The following ANKFY1 variants were observed in gnomAD, a reference collection of about 807,000 sequenced individuals.
The protein encoded by ANKFY1 is ankyrin repeat and FYVE domain-containing protein 1.
In ANKFY1, 47 loss-of-function variants were observed where a neutral mutation model predicts 128.3. The observed-to-expected ratio is 0.37, with a 90% CI of 0.29 to 0.47. ANKFY1 has a LOEUF of 0.47. ANKFY1 is among the 20% of genes least tolerant of loss of function. ANKFY1 has a pLI of 1.00. For missense variants in ANKFY1, 1,222 were observed against 1,510.6 expected, an observed-to-expected ratio of 0.81 and a Z score of 3.17; for synonymous variants, 553 against 601.6, an observed-to-expected ratio of 0.92 and a Z score of 1.18.
intron 1 of ANKFY1, among the ~76,000 whole-genome samples, chr17:4,258,504 A>C (rs1220174847): frequency 6.6e-6 from 1 of 150,786 alleles, no homozygotes; most frequent in Non-Finnish European, 1.5e-5. Flanking sequence ...AGCCTGGGAG[A>C]CAGAGCCAGA....
chr17:4,223,679 G>C, intron 3 of ANKFY1: 1 of 1,601,824 alleles, frequency 6.2e-7, no homozygotes, highest in Non-Finnish European at 8.6e-7. Context: ...CCTGAAAGAT[G>C]GTTACCGAAT....
chr17:4,185,696 C>T (rs1019835691), intron 11 of ANKFY1, among the ~76,000 whole-genome samples: 1 of 151,756 alleles, frequency 6.6e-6, no homozygotes. Flanking sequence ...CTTGACTTCA[C>T]CTCCAAGGTC....
intron 6 of ANKFY1, 23 bp from the exon 7 acceptor site, chr17:4,206,509 T>C (rs1196095607): frequency 1.2e-6 from 2 of 1,602,238 alleles, no homozygotes; most frequent in African/African-American, 2.7e-5. Flanking sequence ...GTTTGTAAAT[T>C]AGCGCCCAGT....
chr17:4,228,075 A>C lies in ANKFY1; in HGVS notation c.322+7697T>G, dbSNP rs560430885. Among the ~76,000 whole-genome samples the C allele has an allele frequency of 2.2e-4, 34 of 152,374 alleles. No homozygotes were observed. In the South Asian group the frequency reaches 6.2e-3, roughly 28 times the overall value. On this transcript the variant is annotated intron_variant, in intron 3 of 24. Transcript: ENST00000341657. Reference sequence around the variant, plus strand: ...GGTAATTTTCTTGCTAATAAAACCCAGAAAGAACACAAATGTCCATCAACA... The same window carrying C: ...GGTAATTTTCTTGCTAATAAAACCCCGAAAGAACACAAATGTCCATCAACA...
At chr17:4,243,969 C>T (rs963397534) in intron 1 of ANKFY1, among the ~76,000 whole-genome samples, 5 of 148,350 alleles carry the variant, frequency 3.4e-5, no homozygotes, top group South Asian at 4.2e-4. Flanking sequence ...CTCACTCTGT[C>T]GCCTGGGCTA....
chr17:4,225,774 T>C (rs940747623), intron 3 of ANKFY1, among the ~76,000 whole-genome samples: 1 of 151,926 alleles, frequency 6.6e-6, no homozygotes, highest in African/African-American at 2.4e-5. Flanking sequence ...TTTATATAAT[T>C]TTTTTTTGAG....
chr17:4,242,032 T>G (rs1407362303), intron 2 of ANKFY1, among the ~76,000 whole-genome samples: 1 of 147,146 alleles, frequency 6.8e-6, no homozygotes, highest in Non-Finnish European at 1.5e-5. Flanking sequence ...GAGGCTGCAA[T>G]GAGCCGTGAT....
intron 19 of ANKFY1, among the ~76,000 whole-genome samples, chr17:4,176,147 G>A (rs564896456): frequency 1.3e-5 from 2 of 152,226 alleles, no homozygotes; most frequent in South Asian, 2.1e-4. Context: ...GCCTCCGCTC[G>A]GTCTCGTCAC....
At chr17:4,228,584 T>G (rs1457298155) in intron 3 of ANKFY1, among the ~76,000 whole-genome samples, 2 of 152,000 alleles carry the variant, frequency 1.3e-5, no homozygotes, top group East Asian at 3.9e-4. Flanking sequence ...CTCGGCTAAT[T>G]TTTTGTATTT....
At chr17:4,246,280 G>A (rs1967535151) in intron 1 of ANKFY1, among the ~76,000 whole-genome samples, 1 of 152,168 alleles carries the variant, frequency 6.6e-6, no homozygotes, top group South Asian at 2.1e-4. Flanking sequence ...ACTGGACCCA[G>A]AAAATGCAAG....
At chr17:4,261,701 C>A (rs145970945) in intron 1 of ANKFY1, among the ~76,000 whole-genome samples, 8 of 152,374 alleles carry the variant, frequency 5.3e-5, no homozygotes, top group Middle Eastern at 3.4e-3. Context: ...CTGCAAAGCA[C>A]AGCAGGTGCT....
At position 4,169,896 on chromosome 17, in the gene ANKFY1, A is replaced by C. The variant is rs2059283190; in HGVS notation, c.3287-608T>G. ...GCTGAACTCTCACTCTATCCCAGGC[A>C]CTGTCTGACTGCTCTACATAGACAG... On this transcript the variant is annotated intron_variant, in intron 23 of 24. Transcript: ENST00000341657. The surrounding 1 kb of genome is among the most constrained non-coding windows in gnomAD (Gnocchi z 5.0). Among the ~76,000 whole-genome samples, 1 of 152,202 alleles carries C rather than the reference A, an allele frequency of 6.6e-6. No homozygotes were observed. The highest frequency in any genetic ancestry group is 2.4e-5 in the African/African-American group (1 of 41,444).
chr17:4,182,386 T>C, intron 14 of ANKFY1, 37 bp from the exon 15 acceptor site: 1 of 1,484,778 alleles, frequency 6.7e-7, no homozygotes, highest in Non-Finnish European at 9.1e-7. Context: ...ACGTTTGTGG[T>C]TGAACCCAAA....
intron 3 of ANKFY1, among the ~76,000 whole-genome samples, chr17:4,233,224 A>G (rs2060543840): frequency 6.6e-6 from 1 of 152,164 alleles, no homozygotes; most frequent in Admixed American, 6.5e-5. Flanking sequence ...TATATTTATT[A>G]CCTTCTAGTC....
At chr17:4,186,984 G>T in intron 11 of ANKFY1, 1 of 1,207,372 alleles carries the variant, frequency 8.3e-7, no homozygotes, top group African/African-American at 1.6e-5. Context: ...TTTTCCATGG[G>T]TTCGCCGCAA....
chr17:4,255,628 G>C (rs1433675755), intron 1 of ANKFY1, among the ~76,000 whole-genome samples: 1 of 152,140 alleles, frequency 6.6e-6, no homozygotes, highest in Admixed American at 6.5e-5. Context: ...AAAGAGAAAT[G>C]ATTGTAAAGG....
intron 1 of ANKFY1, among the ~76,000 whole-genome samples, chr17:4,260,937 A>C (rs1042149805): frequency 6.6e-6 from 1 of 152,200 alleles, no homozygotes; most frequent in Non-Finnish European, 1.5e-5. Context: ...TATATGACAC[A>C]GATATCTGCT....
intron 7 of ANKFY1, among the ~76,000 whole-genome samples, chr17:4,201,913 T>A (rs889590193): frequency 3.3e-5 from 5 of 152,158 alleles, no homozygotes; most frequent in African/African-American, 1.2e-4. Context: ...GGAAAAAATA[T>A]GTAAAGACAA....
intron 3 of ANKFY1, among the ~76,000 whole-genome samples, chr17:4,229,079 T>C (rs956433227): frequency 4.6e-5 from 7 of 152,108 alleles, no homozygotes; most frequent in African/African-American, 1.2e-4. Context: ...ACCAAAATAT[T>C]TGCAATGTAG....
Sources: gnomAD v4.1 joint callset for allele counts (sites outside exome capture counted in the v4.1 genomes callset) on GRCh38, gnomAD v4.1.1 for gene constraint, Gnocchi (gnomAD v3.1) non-coding constraint, MANE v1.5 for transcripts, NCBI Gene and HGNC (gene_info 2026-07-23, HGNC 2026-07-21) for gene names.